The following GSE1 variants were observed in gnomAD, a reference collection of about 807,000 sequenced individuals.
The protein encoded by GSE1 is Gse1 coiled-coil protein.
In GSE1, 32 loss-of-function variants were observed where a neutral mutation model predicts 112.6. That is an observed-to-expected ratio of 0.28 (90% CI 0.21 to 0.38). GSE1 has a LOEUF of 0.38. Among genes scored for constraint, GSE1 ranks in the 10% least tolerant of loss-of-function variants. GSE1 has a pLI of 1.00. For synonymous variants in GSE1, 1,115 were observed against 735.6 expected (o/e 1.52, Z -8.35); for missense variants, 2,348 against 1,699.2 (o/e 1.38, Z -6.71).
intron 2 of GSE1, among the ~76,000 whole-genome samples, chr16:85,424,805 G>A (rs1264079877): frequency 6.6e-6 from 1 of 152,268 alleles, no homozygotes; most frequent in Non-Finnish European, 1.5e-5. Flanking sequence ...GGCATGGCGA[G>A]GGCCGCTGGA....
chr16:85,337,322 T>TTTTTC, intron 1 of GSE1, among the ~76,000 whole-genome samples: 1 of 149,704 alleles, frequency 6.7e-6, no homozygotes, highest in Middle Eastern at 3.4e-3. Context: ...TTTTTTTTTT[T>TTTTTC]TGAGACGGAG....
At chr16:85,572,072 C>T (rs887682534) in intron 1 of GSE1, among the ~76,000 whole-genome samples, 1 of 150,546 alleles carries the variant, frequency 6.6e-6, no homozygotes, top group Non-Finnish European at 1.5e-5. Context: ...ATACACACAA[C>T]CACACCCCCC....
chr16:85,322,208 G>A (rs1032798895), intron 1 of GSE1, among the ~76,000 whole-genome samples: 5 of 150,996 alleles, frequency 3.3e-5, no homozygotes, highest in African/African-American at 9.7e-5. Flanking sequence ...CATGGCACAC[G>A]TTCCAGGAAA....
intron 11 of GSE1, among the ~76,000 whole-genome samples, chr16:85,664,328 C>T (rs1004391186): frequency 6.6e-6 from 1 of 152,208 alleles, no homozygotes; most frequent in Non-Finnish European, 1.5e-5. Flanking sequence ...AGCAGAGTTA[C>T]TTCTTGGACC....
chr16:85,337,467 G>A (rs185516351), intron 1 of GSE1, among the ~76,000 whole-genome samples: 258 of 152,010 alleles, frequency 1.7e-3, no homozygotes, highest in African/African-American at 5.8e-3. Flanking sequence ...CACCACGCCC[G>A]GCTAATTTTT....
At chr16:85,633,703 G>A (rs1361604281) in intron 1 of GSE1, among the ~76,000 whole-genome samples, 3 of 152,166 alleles carry the variant, frequency 2.0e-5, no homozygotes, top group Non-Finnish European at 2.9e-5. Flanking sequence ...GGGGCCTCTT[G>A]GGTCTGTGCC....
At chr16:85,233,389 C>T (rs1015507975) in intron 1 of GSE1, among the ~76,000 whole-genome samples, 4 of 152,218 alleles carry the variant, frequency 2.6e-5, no homozygotes. Context: ...CTGGAGCCCT[C>T]AGGTGGAGGC....
chr16:85,181,147 C>T (rs1283268142), intron 1 of GSE1, among the ~76,000 whole-genome samples: 1 of 152,244 alleles, frequency 6.6e-6, no homozygotes, highest in Non-Finnish European at 1.5e-5. Context: ...CCCCGGGATC[C>T]TTCTGGGTCT....
At chr16:85,557,364 C>G (rs2045284971) in intron 1 of GSE1, among the ~76,000 whole-genome samples, 1 of 151,886 alleles carries the variant, frequency 6.6e-6, no homozygotes, top group African/African-American at 2.4e-5. Flanking sequence ...GTTGATCTCC[C>G]TTGAGCTTTG....
Position 85,215,782 on chromosome 16 carries a change from A to T in GSE1, c.2283+43975A>T, listed in dbSNP as rs1366968611. Among the ~76,000 whole-genome samples the T allele has an allele frequency of 2.0e-5, 3 of 152,230 alleles. No homozygotes were observed. The East Asian group carries it at 5.8e-4, about 29-fold the overall frequency. On this transcript the variant is annotated intron_variant, in intron 1 of 2. Transcript: ENST00000637419. Reference sequence around the variant, plus strand: ...GGGGGTGTGATTATTATGGGATGTTATGGGTTAAGCTGGCTTTGGAGGGCT... The same window carrying T: ...GGGGGTGTGATTATTATGGGATGTTTTGGGTTAAGCTGGCTTTGGAGGGCT...
intron 1 of GSE1, among the ~76,000 whole-genome samples, chr16:85,227,543 T>A (rs1357022862): frequency 6.6e-6 from 1 of 151,404 alleles, no homozygotes; most frequent in Non-Finnish European, 1.5e-5. Flanking sequence ...GGCATGAGAG[T>A]GTGGCGAGCA....
intron 1 of GSE1, among the ~76,000 whole-genome samples, chr16:85,236,437 G>A (rs997100918): frequency 6.6e-6 from 1 of 152,240 alleles, no homozygotes; most frequent in African/African-American, 2.4e-5. Flanking sequence ...TCTGAGACTT[G>A]GGGTCCCACT....
chr16:85,636,113 C>T (rs1013477064), intron 2 of GSE1, among the ~76,000 whole-genome samples: 1 of 152,242 alleles, frequency 6.6e-6, no homozygotes, highest in Non-Finnish European at 1.5e-5. Context: ...GGCCTCGTGG[C>T]CCTGCTCCCT....
intron 1 of GSE1, among the ~76,000 whole-genome samples, chr16:85,267,659 A>C (rs1221610805): frequency 6.6e-6 from 1 of 151,954 alleles, no homozygotes; most frequent in Non-Finnish European, 1.5e-5. Flanking sequence ...AGCTATACTC[A>C]CTTTTCTTCA....
chr16:85,425,378 A>T (rs1405208166), intron 2 of GSE1, among the ~76,000 whole-genome samples: 1 of 152,108 alleles, frequency 6.6e-6, no homozygotes, highest in Non-Finnish European at 1.5e-5. Context: ...TGCTGGACCC[A>T]GAGGCTTGGT....
intron 2 of GSE1, among the ~76,000 whole-genome samples, chr16:85,516,273 C>A (rs1186711745): frequency 6.6e-6 from 1 of 152,012 alleles, no homozygotes; most frequent in East Asian, 1.9e-4. Context: ...GGGCAGGCTG[C>A]TGCTCTACCT....
intron 1 of GSE1, among the ~76,000 whole-genome samples, chr16:85,236,939 C>T (rs1904727383): frequency 6.6e-6 from 1 of 152,226 alleles, no homozygotes; most frequent in Admixed American, 6.5e-5. Context: ...AACTGTGAGT[C>T]ACTTGCACCC....
intron 1 of GSE1, among the ~76,000 whole-genome samples, chr16:85,226,711 GGCCTGA>G (rs1388435968): frequency 6.6e-6 from 1 of 151,954 alleles, no homozygotes; most frequent in East Asian, 1.9e-4. Context: ...GCTGGGAGGT[GGCCTGA>G]GCCTGAGCCT....
chr16:85,234,128 C>CT (rs1199768626), intron 1 of GSE1, among the ~76,000 whole-genome samples: 1 of 152,152 alleles, frequency 6.6e-6, no homozygotes, highest in Non-Finnish European at 1.5e-5. Context: ...CTTTGAAGAA[C>CT]CCACCTAGTG....
Sources: gnomAD v4.1 joint callset for allele counts (sites outside exome capture counted in the v4.1 genomes callset) on GRCh38, gnomAD v4.1.1 for gene constraint, MANE v1.5 for transcripts, NCBI Gene and HGNC (gene_info 2026-07-23, HGNC 2026-07-21) for gene names.